The following NTSR1 variants were observed in gnomAD, a reference collection of about 807,000 sequenced individuals.
NTSR1 encodes the protein neurotensin receptor type 1.
NTSR1 carries 29 observed loss-of-function variants against 31.2 expected under a neutral mutation model. The observed-to-expected ratio is 0.93, with a 90% CI of 0.69 to 1.27. The LOEUF (loss-of-function observed/expected upper bound fraction) is 1.27. Among genes scored for constraint, NTSR1 ranks in the 50% most tolerant of loss-of-function variants. The pLI is 0.00. For synonymous variants in NTSR1, 282 were observed against 269.9 expected, an observed-to-expected ratio of 1.04 and a Z score of -0.44; for missense variants, 697 against 595.4, an observed-to-expected ratio of 1.17 and a Z score of -1.78.
In NTSR1 at chr20:62,709,390, C is replaced by T. The variant is rs1568693054; in HGVS notation, c.183C>T (p.Tyr61=). 6.2e-7 allele frequency: 1 copy of T among 1,609,176 alleles called. No homozygotes were observed. The highest frequency in any genetic ancestry group is 8.5e-7 in the Non-Finnish European group (1 of 1,177,200). The change falls in exon 1 of 4, where the codon TAC becomes TAT. Residue 61 remains tyrosine, a synonymous_variant. Coordinates refer to ENST00000370501, the MANE Select transcript of NTSR1 (RefSeq NM_002531.3). ...AGCTGGACGTGAACACCGACATCTA[C>T]TCCAAGGTGCTGGTGACCGCCGTGT... ...SSELDVNTDI[Y]SKVLVTAVYL...
rs181453245 is a variant in NTSR1, at chr20:62,736,358, G to A, written c.715-18327G>A. Among the ~76,000 whole-genome samples the A allele has an allele frequency of 8.4e-3, 1,281 of 152,360 alleles. 8 individuals are homozygous for A. The highest frequency in any genetic ancestry group is 0.015 in the Non-Finnish European group (1,015 of 68,030). On this transcript the variant is annotated intron_variant, in intron 1 of 3. Coordinates refer to ENST00000370501, the MANE Select transcript of NTSR1 (RefSeq NM_002531.3). ...TACCCTCAGGCGCAATGCCCTGAAA[G>A]ACAGGCGCCACTTTGTCTTCAGAAA...
At chr20:62,737,530 A>C (rs574677822) in intron 1 of NTSR1, among the ~76,000 whole-genome samples, 1 of 152,228 alleles carries the variant, frequency 6.6e-6, no homozygotes, top group African/African-American at 2.4e-5. Flanking sequence ...GGGGCCGAGC[A>C]TGGGATGCAG....
chr20:62,718,644 C>A (rs560262000), intron 1 of NTSR1, among the ~76,000 whole-genome samples: 10 of 151,446 alleles, frequency 6.6e-5, no homozygotes, highest in Admixed American at 5.3e-4. Flanking sequence ...TGTGGCCTCT[C>A]GAGCCGGCCT....
intron 1 of NTSR1, among the ~76,000 whole-genome samples, chr20:62,738,318 A>T (rs1280587245): frequency 6.6e-6 from 1 of 152,252 alleles, no homozygotes; most frequent in Non-Finnish European, 1.5e-5. Context: ...GAACATTCCA[A>T]GAAGAGTCAG....
chr20:62,711,861 C>T lies in NTSR1; in HGVS notation c.714+1940C>T, dbSNP rs1194415438. On this transcript the variant is annotated intron_variant, in intron 1 of 3. Coordinates refer to ENST00000370501, the MANE Select transcript of NTSR1 (RefSeq NM_002531.3). The surrounding 1 kb of genome is among the most constrained non-coding windows in gnomAD (Gnocchi z 6.4). The stretch of plus-strand genomic sequence containing the variant: ...CTGCGAGGCAGATTTGGCCAAGTCA[C>T]GCTACGGCCGGCCACAGGCACTCGT... Among the ~76,000 whole-genome samples the T allele has an allele frequency of 1.3e-5, 2 of 152,196 alleles. No homozygotes were observed. Among genetic ancestry groups the T allele is most frequent in the African/African-American group, 2.4e-5 (1 of 41,452 alleles).
intron 1 of NTSR1, among the ~76,000 whole-genome samples, chr20:62,747,579 T>A (rs1989323030): frequency 6.6e-6 from 1 of 152,198 alleles, no homozygotes; most frequent in Admixed American, 6.5e-5. Flanking sequence ...AGTAGAAAGC[T>A]TTTTCTCTAA....
chr20:62,722,546 C>T (rs1988841035), intron 1 of NTSR1, among the ~76,000 whole-genome samples: 1 of 152,234 alleles, frequency 6.6e-6, no homozygotes, highest in Admixed American at 6.5e-5. Context: ...TGCAGTCCCC[C>T]TCTCTAGCAC....
In NTSR1 at chr20:62,709,028, G is replaced by A; in HGVS notation, c.-180G>A. Reference sequence around the variant, plus strand: ...CGGAGGAGAGCGGAGCCCGGAGCCCGGAGCCCGGGGCGGCGCGTCTGGGTC... The same window carrying A: ...CGGAGGAGAGCGGAGCCCGGAGCCCAGAGCCCGGGGCGGCGCGTCTGGGTC... On this transcript the variant is annotated 5_prime_UTR_variant, in exon 1 of 4. Coordinates refer to ENST00000370501, the MANE Select transcript of NTSR1 (RefSeq NM_002531.3). 1 of 471,446 alleles carries A rather than the reference G, an allele frequency of 2.1e-6. No individual in the cohort carries two copies. Among genetic ancestry groups the A allele is most frequent in the South Asian group, 4.7e-5 (1 of 21,266 alleles). The allele number at this position is 471,446 out of a possible 1,614,324, so 29.2% of individuals were successfully genotyped here.
chr20:62,712,389 C>T (rs951979161), intron 1 of NTSR1, among the ~76,000 whole-genome samples: 2 of 152,254 alleles, frequency 1.3e-5, no homozygotes, highest in African/African-American at 4.8e-5. Flanking sequence ...CTTTCCAAAA[C>T]AGGGGTCCTT....
At chr20:62,759,187 AG>A (rs1213774830) in intron 3 of NTSR1, among the ~76,000 whole-genome samples, 7 of 152,194 alleles carry the variant, frequency 4.6e-5, no homozygotes, top group Non-Finnish European at 1.0e-4. Context: ...AATGAGGAGG[AG>A]AAGGCACGGG....
At position 62,708,941 on chromosome 20, in the gene NTSR1, C is replaced by A; in HGVS notation, c.-267C>A. Reference sequence around the variant, plus strand: ...GGCACCTGGAACCCGTGGCAAGCGCCGAGCCGGGAGACAGCCCGAGGAACC... The same window carrying A: ...GGCACCTGGAACCCGTGGCAAGCGCAGAGCCGGGAGACAGCCCGAGGAACC... On this transcript the variant is annotated 5_prime_UTR_variant, in exon 1 of 4. Coordinates refer to ENST00000370501, the MANE Select transcript of NTSR1 (RefSeq NM_002531.3). The surrounding 1 kb of genome is among the most constrained non-coding windows in gnomAD (Gnocchi z 5.9). 2.5e-6 allele frequency: 1 copy of A among 395,666 alleles called. No homozygotes were observed. The highest frequency in any genetic ancestry group is 4.0e-5 in the East Asian group (1 of 25,282). The allele number at this position is 395,666 out of a possible 1,614,324, so 24.5% of individuals were successfully genotyped here. A position where few individuals can be genotyped will look rare whatever the true frequency, so the allele number is the denominator to read the frequency against.
At chr20:62,740,176 G>T (rs1030386368) in intron 1 of NTSR1, among the ~76,000 whole-genome samples, 1 of 152,238 alleles carries the variant, frequency 6.6e-6, no homozygotes, top group African/African-American at 2.4e-5. Context: ...TGCTAAGTGT[G>T]TTAGCTCCAC....
At chr20:62,722,508 C>T (rs553388130) in intron 1 of NTSR1, among the ~76,000 whole-genome samples, 11 of 152,338 alleles carry the variant, frequency 7.2e-5, no homozygotes, top group South Asian at 6.2e-4. Flanking sequence ...ACAGGAAAGC[C>T]GGTGTAGGCT....
chr20:62,746,358 G>T (rs953485627), intron 1 of NTSR1, among the ~76,000 whole-genome samples: 2 of 152,214 alleles, frequency 1.3e-5, no homozygotes, highest in African/African-American at 4.8e-5. Context: ...CAGCCAGGCT[G>T]CCGCCAGCAT....
chr20:62,736,591 G>GCGAGGACTC (rs530616415), intron 1 of NTSR1, among the ~76,000 whole-genome samples: 1 of 152,324 alleles, frequency 6.6e-6, no homozygotes, highest in African/African-American at 2.4e-5. Context: ...CCCTTTCCCA[G>GCGAGGACTC]CGAGGACTCC....
intron 1 of NTSR1, among the ~76,000 whole-genome samples, chr20:62,727,649 G>A (rs6089930): frequency 0.42 from 63,420 of 152,178 alleles, 15,417 homozygotes; most frequent in East Asian, 0.72. Flanking sequence ...TTCCTGGAGG[G>A]GAGGCGGGAG....
rs535172980 is a variant in NTSR1 at position 62,733,025 on chromosome 20, A to T, written c.715-21660A>T. The T allele has an allele frequency of 2.2e-5, 3 of 133,818 alleles. No homozygotes were observed. The highest frequency in any genetic ancestry group is 4.9e-5 in the Non-Finnish European group (3 of 61,084). 8.3% of individuals were successfully genotyped at this position (133,818 alleles called of 1,614,324 possible). A position where few individuals can be genotyped will look rare whatever the true frequency, so the allele number is the denominator to read the frequency against. ...GAATGTTTCTCGGTGAGAAGCCGCC[A>T]CGGGAGTCTGTGGACTTGTCACATC... On this transcript the variant is annotated intron_variant, in intron 1 of 3. Transcript: ENST00000370501. This position sits in a 1 kb window ranked among gnomAD's most constrained non-coding sequence, Gnocchi z 5.2.
At chr20:62,721,564 T>G (rs1988828177) in intron 1 of NTSR1, among the ~76,000 whole-genome samples, 1 of 152,230 alleles carries the variant, frequency 6.6e-6, no homozygotes, top group Admixed American at 6.5e-5. Context: ...GTTCAGCCAT[T>G]CCACATGAAA....
chr20:62,758,232 A>G lies in NTSR1; in HGVS notation c.917-34A>G. The G allele has an allele frequency of 7.3e-7, 1 of 1,373,332 alleles. No individual in the cohort carries two copies. The highest frequency in any genetic ancestry group is 1.0e-6 in the Non-Finnish European group (1 of 969,172). 85.1% of individuals were successfully genotyped at this position (1,373,332 alleles called of 1,614,324 possible). On this transcript the variant is annotated intron_variant, in intron 2 of 3. Coordinates refer to ENST00000370501, the MANE Select transcript of NTSR1 (RefSeq NM_002531.3). This position sits in a 1 kb window ranked among gnomAD's most constrained non-coding sequence, Gnocchi z 4.5. Reference sequence around the variant, plus strand: ...GCCCACGCCTCTGTGCCTCAGGTGCAGTGGGTCTCTGAGCCCACGTCTCTG... The same window carrying G: ...GCCCACGCCTCTGTGCCTCAGGTGCGGTGGGTCTCTGAGCCCACGTCTCTG...
Sources: allele counts gnomAD v4.1 joint callset (sites outside exome capture counted in the v4.1 genomes callset), GRCh38; gene constraint gnomAD v4.1.1; non-coding constraint Gnocchi (gnomAD v3.1); transcripts MANE v1.5; gene names NCBI Gene and HGNC (gene_info 2026-07-23, HGNC 2026-07-21).